The following USP37 variants were observed in gnomAD, a reference collection of about 807,000 sequenced individuals.
USP37 encodes the protein ubiquitin specific peptidase 37.
A neutral mutation model predicts 124.0 loss-of-function variants in USP37; 27 were observed. The ratio of observed to expected loss-of-function variants is 0.22; its 90% CI spans 0.16 to 0.30. The LOEUF is 0.30. Among genes scored for constraint, USP37 ranks in the 10% least tolerant of loss-of-function variants. The pLI, the probability that USP37 is intolerant of heterozygous loss-of-function variation, is 1.00. For missense variants in USP37, 889 were observed against 1,140.4 expected (o/e 0.78, Z 3.17); for synonymous variants, 365 against 388.0 (o/e 0.94, Z 0.70).
rs1693269295 is a variant in USP37, at chr2:218,560,868, A to G, written c.-73T>C. On this transcript the variant is annotated 5_prime_UTR_variant, in exon 3 of 26. Coordinates refer to ENST00000258399, the MANE Select transcript of USP37 (RefSeq NM_020935.3). The stretch of plus-strand genomic sequence containing the variant: ...GGCCCCTAGTTGGAGGTCTCTGGTT[A>G]CTGTATGGCAAATAACTGAAGATAA... 6.6e-6 allele frequency: 1 copy of G among 152,218 alleles called. No individual in the cohort carries two copies. Among genetic ancestry groups the G allele is most frequent in the Non-Finnish European group, 1.5e-5 (1 of 68,038 alleles). 9.4% of individuals were successfully genotyped at this position (152,218 alleles called of 1,614,324 possible). A position where few individuals can be genotyped will look rare whatever the true frequency, so the allele number is the denominator to read the frequency against.
chr2:218,495,269 G>A (rs867257853), intron 14 of USP37, among the ~76,000 whole-genome samples: 5 of 152,218 alleles, frequency 3.3e-5, no homozygotes, highest in Middle Eastern at 3.4e-3. Context: ...AGCCTTCCAA[G>A]TAGCTGGGAT....
chr2:218,517,033 CAT>C (rs975591664), intron 10 of USP37, among the ~76,000 whole-genome samples: 7 of 152,318 alleles, frequency 4.6e-5, no homozygotes, highest in African/African-American at 1.4e-4. Flanking sequence ...CAAGTATACA[CAT>C]GAGGTGGTTT....
At position 218,558,517 on chromosome 2, in the gene USP37, C is replaced by A. The variant is rs1306642107; in HGVS notation, c.137G>T (p.Gly46Val). The stretch of plus-strand genomic sequence containing the variant: ...TATTACCTGAAATATCCTTGGAATT[C>A]CTCCAGTATTGTAGTGAACTACTAG... ...VSLVVHYNTG[G>V]IPRIFQLSHN... The change falls in exon 4 of 26, where the codon GGA becomes GTA. Residue 46 changes from glycine to valine, a missense_variant. Around this residue, in one of 3 missense-constraint regions of USP37, gnomAD observed 374 missense variants for 386.0 expected, o/e 0.97. Coordinates refer to ENST00000258399, the MANE Select transcript of USP37 (RefSeq NM_020935.3). 6.2e-7 allele frequency: 1 copy of A among 1,609,116 alleles called. No homozygotes were observed. Among genetic ancestry groups the A allele is most frequent in the Admixed American group, 1.7e-5 (1 of 59,012 alleles).
rs150043486 is a variant in USP37 at position 218,454,815 on chromosome 2, C to T, written c.*115G>A. 6.6e-7 allele frequency: 1 copy of T among 1,519,394 alleles called. No individual in the cohort carries two copies. The highest frequency in any genetic ancestry group is 1.4e-5 in the African/African-American group (1 of 71,906). 94.1% of individuals were successfully genotyped at this position (1,519,394 alleles called of 1,614,324 possible). On this transcript the variant is annotated 3_prime_UTR_variant, in exon 26 of 26. Coordinates refer to ENST00000258399, the MANE Select transcript of USP37 (RefSeq NM_020935.3). ...TTTTGTCTTTTGGTTTGGCCCTGAG[C>T]TGTTTGTTGCTCCCGCATCAAGTAG...
At chr2:218,564,113 T>C (rs1693460460) in intron 1 of USP37, among the ~76,000 whole-genome samples, 1 of 152,096 alleles carries the variant, frequency 6.6e-6, no homozygotes, top group Non-Finnish European at 1.5e-5. Flanking sequence ...TCCCTACTTT[T>C]GTCCTTCTAC....
At chr2:218,538,590 T>C (rs549070528) in intron 8 of USP37, among the ~76,000 whole-genome samples, 4 of 152,200 alleles carry the variant, frequency 2.6e-5, no homozygotes, top group Non-Finnish European at 5.9e-5. Flanking sequence ...ACAGCCATGG[T>C]GGCAGATAGA....
chr2:218,507,010 T>C (rs1302716538), intron 11 of USP37, among the ~76,000 whole-genome samples: 4 of 151,574 alleles, frequency 2.6e-5, no homozygotes, highest in African/African-American at 9.7e-5. Context: ...GTTGGCCAGG[T>C]TGGTTTTGAA....
intron 18 of USP37, among the ~76,000 whole-genome samples, chr2:218,477,575 A>C (rs1195248462): frequency 6.6e-6 from 1 of 152,212 alleles, no homozygotes; most frequent in Non-Finnish European, 1.5e-5. Flanking sequence ...TCAAGAAATG[A>C]GAGCTAAGAA....
chr2:218,514,654 TAG>T (rs1690178795), intron 10 of USP37, among the ~76,000 whole-genome samples: 1 of 152,222 alleles, frequency 6.6e-6, no homozygotes, highest in South Asian at 2.1e-4. Flanking sequence ...TTAAGAAATA[TAG>T]GGAGATACTT....
intron 10 of USP37, among the ~76,000 whole-genome samples, chr2:218,514,625 T>A (rs561570): frequency 0.66 from 100,662 of 151,966 alleles, 33,789 homozygotes; most frequent in East Asian, 0.9. Flanking sequence ...CAGTGAAGTT[T>A]CTATTTTTCC....
chr2:218,522,392 ATC>A (rs1324365416), intron 10 of USP37, among the ~76,000 whole-genome samples: 1 of 149,166 alleles, frequency 6.7e-6, no homozygotes, highest in African/African-American at 2.5e-5. Context: ...GAAAGACCCC[ATC>A]TCTCTCTTTT....
At chr2:218,543,740 A>G (rs959248385) in intron 8 of USP37, among the ~76,000 whole-genome samples, 2 of 152,002 alleles carry the variant, frequency 1.3e-5, no homozygotes, top group African/African-American at 4.8e-5. Context: ...CAGGAGGCAG[A>G]GCTTGCAGTG....
At chr2:218,567,182 T>G (rs1198635681) in intron 1 of USP37, among the ~76,000 whole-genome samples, 1 of 152,180 alleles carries the variant, frequency 6.6e-6, no homozygotes, top group African/African-American at 2.4e-5. Context: ...TCAAACATCT[T>G]TAAGACAAGT....
At chr2:218,531,565 A>C (rs1233307479) in intron 9 of USP37, among the ~76,000 whole-genome samples, 1 of 152,216 alleles carries the variant, frequency 6.6e-6, no homozygotes, top group Non-Finnish European at 1.5e-5. Flanking sequence ...GAGTCATTTC[A>C]ATTTTCAAGT....
intron 14 of USP37, among the ~76,000 whole-genome samples, chr2:218,490,630 C>T (rs1334849403): frequency 6.6e-6 from 1 of 152,106 alleles, no homozygotes; most frequent in African/African-American, 2.4e-5. Context: ...GTCTTTGATT[C>T]AACGAACATT....
At chr2:218,540,019 T>C (rs1691885789) in intron 8 of USP37, among the ~76,000 whole-genome samples, 1 of 151,888 alleles carries the variant, frequency 6.6e-6, no homozygotes. Flanking sequence ...CAAAAAAAAA[T>C]CTTTTTTTTT....
chr2:218,558,095 G>C (rs1166797635), intron 4 of USP37, among the ~76,000 whole-genome samples: 2 of 152,022 alleles, frequency 1.3e-5, no homozygotes, highest in Non-Finnish European at 2.9e-5. Flanking sequence ...TCAGGAAGTA[G>C]ACACTGGCTT....
intron 6 of USP37, among the ~76,000 whole-genome samples, chr2:218,547,577 A>G (rs942492782): frequency 7.0e-6 from 1 of 143,176 alleles, no homozygotes; most frequent in Non-Finnish European, 1.5e-5. Flanking sequence ...GCTTTGAATT[A>G]CTAACCAAAA....
Position 218,558,642 on chromosome 2 carries a change from C to G in USP37, c.12G>C (p.Leu4=). MSP[L]KIHGPIRIRS... is the part of the protein sequence containing the mutation. ...GAATTCTGATAGGACCATGTATCTTCAGAGGAGACATATTTTCTTTAAAAA... is the reference window on the plus strand; with the variant it reads ...GAATTCTGATAGGACCATGTATCTTGAGAGGAGACATATTTTCTTTAAAAA... The change falls in exon 4 of 26, where the codon CTG becomes CTC. Residue 4 remains leucine, a synonymous_variant. Transcript: ENST00000258399. 1 of 1,596,860 alleles carries G rather than the reference C, an allele frequency of 6.3e-7. No homozygotes were observed. Among genetic ancestry groups the G allele is most frequent in the Non-Finnish European group, 8.5e-7 (1 of 1,173,050 alleles).
Sources: allele counts gnomAD v4.1 joint callset (sites outside exome capture counted in the v4.1 genomes callset), GRCh38; gene constraint gnomAD v4.1.1; regional missense constraint gnomAD v4.1.1; transcripts MANE v1.5; gene names NCBI Gene and HGNC (gene_info 2026-07-23, HGNC 2026-07-21).